Variants in CRACR2A observed in about 807,000 individuals in gnomAD.
CRACR2A encodes EF-hand calcium-binding domain-containing protein 4B.
CRACR2A carries 79 observed loss-of-function variants against 90.5 expected under a neutral mutation model. The ratio of observed to expected loss-of-function variants is 0.87; its 90% confidence interval spans 0.73 to 1.05. The LOEUF (loss-of-function observed/expected upper bound fraction) is 1.05. CRACR2A is among the 50% of genes least tolerant of loss of function. The pLI is 0.00. For missense variants in CRACR2A, 823 were observed against 897.2 expected (o/e 0.92, Z 1.06); for synonymous variants, 338 against 356.7 (o/e 0.95, Z 0.59).
intron 15 of CRACR2A, among the ~76,000 whole-genome samples, chr12:3,629,135 CATGCACACAT>C (rs1380845645): frequency 3.9e-5 from 6 of 152,232 alleles, no homozygotes; most frequent in Admixed American, 6.5e-5. Context: ...TCTGCACACA[CATGCACACAT>C]ATGCATATGT....
intron 15 of CRACR2A, among the ~76,000 whole-genome samples, chr12:3,630,646 T>C (rs1432351647): frequency 6.6e-6 from 1 of 152,190 alleles, no homozygotes; most frequent in Non-Finnish European, 1.5e-5. Context: ...TGGATCTCAA[T>C]TTTCTCACTT....
intron 7 of CRACR2A, among the ~76,000 whole-genome samples, chr12:3,665,526 G>T (rs184601495): frequency 6.6e-6 from 1 of 152,338 alleles, no homozygotes; most frequent in African/African-American, 2.4e-5. Context: ...AATGCATGTG[G>T]AAGTGTCTAG....
intron 12 of CRACR2A, among the ~76,000 whole-genome samples, chr12:3,643,848 T>TTTTATATTATATATAAATATATATAA (rs1944626315): frequency 1.6e-5 from 1 of 61,436 alleles, no homozygotes; most frequent in Non-Finnish European, 2.9e-5. Context: ...ATAATATATA[T>TTTTATATTATATATAAATATATATAA]TATATATTTA....
Position 3,720,293 on chromosome 12 carries a change from GAAAA to G in CRACR2A, c.-117-6980_-117-6977del, listed in dbSNP as rs1442754552. Among the ~76,000 whole-genome samples the G allele has an allele frequency of 2.4e-4, 31 of 128,574 alleles. 1 individual carries two copies. In the South Asian group the frequency reaches 6.8e-3, roughly 28 times the overall value. 84.3% of individuals were successfully genotyped at this position (128,574 alleles called of 152,430 possible). ...AGAAAGAGAGAGAGAAAGAAAGAAA[GAAAA>G]AGAAAGAAAGAAGGAAAGAAAGAGA... is the stretch of plus-strand genomic sequence containing the variant. On this transcript the variant is annotated intron_variant, in intron 2 of 19. Coordinates refer to ENST00000440314, the MANE Select transcript of CRACR2A (RefSeq NM_001144958.2).
chr12:3,645,478 C>T (rs1944666971), intron 11 of CRACR2A, among the ~76,000 whole-genome samples: 1 of 152,088 alleles, frequency 6.6e-6, no homozygotes, highest in Non-Finnish European at 1.5e-5. Flanking sequence ...TTGATTTTTA[C>T]TCCAAATGAG....
intron 8 of CRACR2A, among the ~76,000 whole-genome samples, chr12:3,657,496 G>A (rs539082386): frequency 2.2e-4 from 34 of 152,310 alleles, no homozygotes; most frequent in South Asian, 1.2e-3. Context: ...ATTCAAAGGC[G>A]CAGGATGCTT....
intron 10 of CRACR2A, among the ~76,000 whole-genome samples, chr12:3,651,391 C>T (rs1944792060): frequency 6.6e-6 from 1 of 152,230 alleles, no homozygotes; most frequent in Non-Finnish European, 1.5e-5. Context: ...GACTGCAGAT[C>T]GGGGCTATGT....
At chr12:3,739,930 C>CAA (rs11406842) in intron 1 of CRACR2A, among the ~76,000 whole-genome samples, 13,349 of 144,090 alleles carry the variant, frequency 0.093, 747 homozygotes, top group African/African-American at 0.15. Context: ...GACTCCGTCT[C>CAA]AAAAAAAAAA....
Position 3,627,545 on chromosome 12 carries a change from C to A in CRACR2A, c.1823G>T (p.Arg608Leu). Residue 608 changes from arginine to leucine, a missense_variant, in exon 17 of 20, where the codon CGG (arginine) becomes CTG (leucine). By Grantham distance (102) the Arg-to-Leu change is moderately radical. Coordinates refer to ENST00000440314, the MANE Select transcript of CRACR2A (RefSeq NM_001144958.2). ...TCTGAAGAACTGCTGGGTGATGCAC[C>A]GGTACCTGCCACAGAAGGGCCACGG... ...LWDTAGQERY[R>L]CITQQFFRKA... 1.3e-6 allele frequency: 2 copies of A among 1,551,518 alleles called. No individual in the cohort carries two copies. The highest frequency in any genetic ancestry group is 2.4e-5 in the South Asian group (2 of 84,050).
At chr12:3,741,377 C>G (rs141326534) in intron 1 of CRACR2A, among the ~76,000 whole-genome samples, 145 of 152,276 alleles carry the variant, frequency 9.5e-4, no homozygotes, top group Non-Finnish European at 1.7e-3. Flanking sequence ...ATGACTGAGC[C>G]AAGGCTAAAT....
At chr12:3,739,383 A>G (rs1433878048) in intron 1 of CRACR2A, among the ~76,000 whole-genome samples, 1 of 152,244 alleles carries the variant, frequency 6.6e-6, no homozygotes, top group Non-Finnish European at 1.5e-5. Flanking sequence ...GCAAATACCT[A>G]CGAATGCTCC....
In CRACR2A at chr12:3,733,227, G is replaced by A. The variant is rs1376084906; in HGVS notation, c.-386-17C>T. On this transcript the variant is annotated splice_polypyrimidine_tract_variant and intron_variant, in intron 1 of 19. Transcript: ENST00000440314. ...GGGCATGACCTGTGGGTAGAACAGA[G>A]AGAGGAAAGGGTTCCTCACTTTGAC... is the stretch of plus-strand genomic sequence containing the variant. 3 of 152,288 alleles carry A rather than the reference G, an allele frequency of 2.0e-5. No individual in the cohort carries two copies. The highest frequency in any genetic ancestry group is 4.4e-5 in the Non-Finnish European group (3 of 68,084). 9.4% of individuals were successfully genotyped at this position (152,288 alleles called of 1,614,324 possible).
At chr12:3,736,856 T>C (rs1946457419) in intron 1 of CRACR2A, among the ~76,000 whole-genome samples, 1 of 152,242 alleles carries the variant, frequency 6.6e-6, no homozygotes, top group South Asian at 2.1e-4. Context: ...GACTTATCAA[T>C]GAGGAGGCCA....
intron 11 of CRACR2A, among the ~76,000 whole-genome samples, chr12:3,644,910 G>T (rs890486368): frequency 2.6e-5 from 4 of 152,210 alleles, no homozygotes; most frequent in African/African-American, 9.6e-5. Context: ...ATTATTAGGG[G>T]CACTGCCTAC....
chr12:3,632,764 A>T (rs1283672239), intron 15 of CRACR2A, among the ~76,000 whole-genome samples: 1 of 152,228 alleles, frequency 6.6e-6, no homozygotes, highest in Non-Finnish European at 1.5e-5. Context: ...GATGGAAAGG[A>T]TGACTATAAA....
intron 4 of CRACR2A, among the ~76,000 whole-genome samples, chr12:3,681,977 T>C (rs17770663): frequency 0.23 from 35,538 of 152,170 alleles, 4,301 homozygotes; most frequent in Admixed American, 0.28. Context: ...TCTGGAAGTA[T>C]ATCTGCTTAG....
chr12:3,705,964 A>G (rs150404115), intron 3 of CRACR2A, among the ~76,000 whole-genome samples: 57 of 152,272 alleles, frequency 3.7e-4, no homozygotes, highest in African/African-American at 1.3e-3. Flanking sequence ...CCAACAATCT[A>G]TCAGCTCTCA....
At chr12:3,717,308 A>G (rs1946096832) in intron 2 of CRACR2A, among the ~76,000 whole-genome samples, 1 of 152,154 alleles carries the variant, frequency 6.6e-6, no homozygotes, top group Non-Finnish European at 1.5e-5. Context: ...GTGTCTCTCT[A>G]ACAATGCTCT....
In CRACR2A at chr12:3,616,653, T is replaced by C. The variant is rs567707901; in HGVS notation, c.2111+301A>G. Among the ~76,000 whole-genome samples, 354 of 152,310 alleles carry C rather than the reference T, an allele frequency of 2.3e-3. 3 individuals are homozygous for C. Among genetic ancestry groups the C allele is most frequent in the African/African-American group, 8.1e-3 (336 of 41,564 alleles). On this transcript the variant is annotated intron_variant, in intron 19 of 19. Transcript: ENST00000440314. ...CTGATCTGGCCTTCCCCCAGAAGGATTGGCATTTAAAAAGAGCATCCCTAG... is the reference window on the plus strand; with the variant it reads ...CTGATCTGGCCTTCCCCCAGAAGGACTGGCATTTAAAAAGAGCATCCCTAG...
Sources: allele counts gnomAD v4.1 joint callset (sites outside exome capture counted in the v4.1 genomes callset), GRCh38; gene constraint gnomAD v4.1.1; transcripts MANE v1.5; gene names NCBI Gene and HGNC (gene_info 2026-07-23, HGNC 2026-07-21).